OPCML: variants seen among roughly 807,000 people sequenced by gnomAD.
OPCML encodes the protein opioid-binding protein/cell adhesion molecule.
Under a neutral mutation model 37.8 loss-of-function variants are expected in OPCML, and 13 were observed. That is an observed-to-expected ratio of 0.34 (90% CI 0.22 to 0.55). The LOEUF (loss-of-function observed/expected upper bound fraction) is 0.55. OPCML is among the 20% of genes least tolerant of loss of function. The probability of loss-of-function intolerance (pLI) is 0.91; values close to 1 mark genes in which losing one functional copy is unlikely to be tolerated. For synonymous variants in OPCML, 176 were observed against 168.8 expected, an observed-to-expected ratio of 1.04 and a Z score of -0.33; for missense variants, 341 against 435.6, an observed-to-expected ratio of 0.78 and a Z score of 1.93.
chr11:132,709,175 A>C (rs186145482), intron 2 of OPCML, among the ~76,000 whole-genome samples: 1 of 152,300 alleles, frequency 6.6e-6, no homozygotes, highest in Admixed American at 6.5e-5. Flanking sequence ...AACACCTTTC[A>C]CTTGCCTAAT....
chr11:132,822,243 G>A (rs529665130), intron 2 of OPCML, among the ~76,000 whole-genome samples: 2 of 150,572 alleles, frequency 1.3e-5, no homozygotes, highest in African/African-American at 5.0e-5. Flanking sequence ...GATCGTATAG[G>A]CCCTCCTCAC....
At chr11:133,163,521 T>C (rs1033530073) in intron 1 of OPCML, among the ~76,000 whole-genome samples, 1 of 152,218 alleles carries the variant, frequency 6.6e-6, no homozygotes, top group Admixed American at 6.5e-5. Context: ...TCAGGAATAA[T>C]AGTTTGTTTG....
chr11:132,809,930 G>A lies in OPCML; in HGVS notation c.146+132996C>T, dbSNP rs182512177. Among the ~76,000 whole-genome samples the A allele has an allele frequency of 2.2e-3, 339 of 152,140 alleles. 12 individuals carry two copies. In the East Asian group the frequency reaches 0.052, roughly 23 times the overall value. ...AGTGGCGCGATCTCGGCTCACTGCA[G>A]GCTCCGCCTCCCGGGTTCACGCCAT... On this transcript the variant is annotated intron_variant, in intron 2 of 7. Coordinates refer to ENST00000524381, the MANE Select transcript of OPCML (RefSeq NM_001012393.5).
At chr11:132,668,619 C>G (rs1942326247) in intron 2 of OPCML, among the ~76,000 whole-genome samples, 1 of 152,182 alleles carries the variant, frequency 6.6e-6, no homozygotes, top group Non-Finnish European at 1.5e-5. Flanking sequence ...GCTCTATGAT[C>G]TAAGAGTGCA....
chr11:133,355,930 C>G (rs1944279092), intron 1 of OPCML, among the ~76,000 whole-genome samples: 1 of 152,190 alleles, frequency 6.6e-6, no homozygotes, highest in Admixed American at 6.5e-5. Context: ...GCTCCTTTTT[C>G]TGGTAGCATT....
intron 1 of OPCML, among the ~76,000 whole-genome samples, chr11:133,276,859 G>T (rs1942010626): frequency 6.6e-6 from 1 of 152,018 alleles, no homozygotes; most frequent in South Asian, 2.1e-4. Context: ...TCTTACTTAA[G>T]ATCTTTGAAA....
chr11:133,488,245 T>C lies in OPCML; in HGVS notation c.61+44019A>G, dbSNP rs370315361. Among the ~76,000 whole-genome samples the C allele has an allele frequency of 1.4e-4, 21 of 152,200 alleles. No homozygotes were observed. In the East Asian group the frequency reaches 3.3e-3, roughly 24 times the overall value. ...CTTTTATCATTTCTATTCTCCATAG[T>C]ACTGGAAGTCCTTGCCAGAACAATC... On this transcript the variant is annotated intron_variant, in intron 1 of 7. Transcript: ENST00000524381.
chr11:132,540,486 A>G lies in OPCML; in HGVS notation c.380-11300T>C, dbSNP rs1394545860. On this transcript the variant is annotated intron_variant, in intron 3 of 7. Coordinates refer to ENST00000524381, the MANE Select transcript of OPCML (RefSeq NM_001012393.5). ...AACTAGGTGAGTTGTGTGAAGTCACATCCAATTATTTGAGGCAGGGCCAGA... is the reference window on the plus strand; with the variant it reads ...AACTAGGTGAGTTGTGTGAAGTCACGTCCAATTATTTGAGGCAGGGCCAGA... 3.3e-5 allele frequency among the ~76,000 whole-genome samples: 5 copies of G among 152,178 alleles called. No individual in the cohort carries two copies. The South Asian group carries it at 1.0e-3, about 32-fold the overall frequency.
intron 2 of OPCML, among the ~76,000 whole-genome samples, chr11:132,897,833 G>T (rs1425739769): frequency 6.6e-6 from 1 of 152,142 alleles, no homozygotes; most frequent in Non-Finnish European, 1.5e-5. Flanking sequence ...TTAGAAAATT[G>T]GTGGCAAAAA....
intron 2 of OPCML, among the ~76,000 whole-genome samples, chr11:132,724,317 A>G (rs570874166): frequency 6.6e-6 from 1 of 152,316 alleles, no homozygotes; most frequent in East Asian, 1.9e-4. Context: ...GTATAATGGA[A>G]ATGAGACAAA....
intron 4 of OPCML, among the ~76,000 whole-genome samples, chr11:132,482,687 C>T (rs537678380): frequency 2.6e-5 from 4 of 152,116 alleles, no homozygotes; most frequent in East Asian, 1.9e-4. Flanking sequence ...ACTGGCACAC[C>T]GAATCCAGCA....
At chr11:133,516,634 C>G (rs561747670) in intron 1 of OPCML, among the ~76,000 whole-genome samples, 1 of 152,266 alleles carries the variant, frequency 6.6e-6, no homozygotes, top group Non-Finnish European at 1.5e-5. Context: ...CCAGCCTAAA[C>G]CAGGAAAGCT....
At chr11:133,229,894 T>A (rs1377357139) in intron 1 of OPCML, among the ~76,000 whole-genome samples, 1 of 152,204 alleles carries the variant, frequency 6.6e-6, no homozygotes, top group Non-Finnish European at 1.5e-5. Flanking sequence ...TTATTGTGTG[T>A]GTGTGGATGT....
Position 132,515,687 on chromosome 11 carries a change from C to T in OPCML, c.505+13374G>A, listed in dbSNP as rs374018174. Among the ~76,000 whole-genome samples, 57 of 152,278 alleles carry T rather than the reference C, an allele frequency of 3.7e-4. No individual in the cohort carries two copies. In the East Asian group the frequency reaches 6.9e-3, roughly 19 times the overall value. On this transcript the variant is annotated intron_variant, in intron 4 of 7. Coordinates refer to ENST00000524381, the MANE Select transcript of OPCML (RefSeq NM_001012393.5). ...AGTTGGTTTTCTTCCCCTTTTCCTC[C>T]TTCTTCTGAATCTCATACAGAGAAA...
chr11:132,896,045 C>T (rs1346407530), intron 2 of OPCML, among the ~76,000 whole-genome samples: 2 of 152,152 alleles, frequency 1.3e-5, no homozygotes, highest in African/African-American at 4.8e-5. Flanking sequence ...TATATGGACC[C>T]TCAGAGCCGA....
At chr11:133,463,953 T>C (rs1054629755) in intron 1 of OPCML, among the ~76,000 whole-genome samples, 3 of 150,920 alleles carry the variant, frequency 2.0e-5, no homozygotes, top group African/African-American at 7.4e-5. Context: ...CAACATATCT[T>C]TGTGTTCTAT....
intron 4 of OPCML, among the ~76,000 whole-genome samples, chr11:132,485,792 A>G (rs894341279): frequency 8.5e-5 from 13 of 152,152 alleles, no homozygotes; most frequent in African/African-American, 2.9e-4. Flanking sequence ...TTGTGTACCC[A>G]ATCTTCCAAT....
intron 2 of OPCML, among the ~76,000 whole-genome samples, chr11:132,700,218 T>C (rs1379936500): frequency 6.6e-6 from 1 of 152,072 alleles, no homozygotes; most frequent in African/African-American, 2.4e-5. Flanking sequence ...AGCTAAAGGT[T>C]AGTCACTCTT....
rs57658806 is a variant in OPCML, at chr11:133,204,868, GTATATATATATA to G, written c.62-261870_62-261859del. 9.0e-3 allele frequency among the ~76,000 whole-genome samples: 1,050 copies of G among 117,286 alleles called. 10 individuals are homozygous for G. Among genetic ancestry groups the G allele is most frequent in the Middle Eastern group, 0.034 (8 of 234 alleles). The allele number at this position is 117,286 out of a possible 152,430, so 76.9% of individuals were successfully genotyped here. A position where few individuals can be genotyped will look rare whatever the true frequency, so the allele number is the denominator to read the frequency against. ...TGATCTATTATATATATATATATGT[GTATATATATATA>G]TATATATATATATATATATATATAT... On this transcript the variant is annotated intron_variant, in intron 1 of 7. Transcript: ENST00000524381.
Sources: allele counts gnomAD v4.1 joint callset (sites outside exome capture counted in the v4.1 genomes callset), GRCh38; gene constraint gnomAD v4.1.1; transcripts MANE v1.5; gene names NCBI Gene and HGNC (gene_info 2026-07-23, HGNC 2026-07-21).